FAM13C: variants seen among roughly 807,000 people sequenced by gnomAD.
FAM13C encodes the protein protein FAM13C.
Under a neutral mutation model 73.2 loss-of-function variants are expected in FAM13C, and 37 were observed. The observed-to-expected ratio is 0.51, with a 90% CI of 0.39 to 0.67. The LOEUF is 0.67. Among genes scored for constraint, FAM13C ranks in the 30% least tolerant of loss-of-function variants. The pLI is 0.00. For missense variants in FAM13C, 589 were observed against 715.6 expected, an observed-to-expected ratio of 0.82 and a Z score of 2.02; for synonymous variants, 246 against 260.9, an observed-to-expected ratio of 0.94 and a Z score of 0.55.
intron 6 of FAM13C, among the ~76,000 whole-genome samples, chr10:59,280,232 G>A (rs532779347): frequency 1.3e-5 from 2 of 152,242 alleles, no homozygotes; most frequent in African/African-American, 4.8e-5. Context: ...CTAAAAATAG[G>A]ACAATCCTGT....
At chr10:59,323,619 A>G (rs552932381) in intron 4 of FAM13C, among the ~76,000 whole-genome samples, 2 of 152,310 alleles carry the variant, frequency 1.3e-5, no homozygotes, top group East Asian at 3.9e-4. Context: ...ATCAGTTGCT[A>G]TGGTGCCTAC....
intron 3 of FAM13C, among the ~76,000 whole-genome samples, chr10:59,336,790 G>A (rs781413376): frequency 6.6e-6 from 1 of 152,212 alleles, no homozygotes; most frequent in Non-Finnish European, 1.5e-5. Flanking sequence ...CTCCTCAGCT[G>A]TTAGAACTTA....
At chr10:59,304,834 C>CGGGAGA (rs1848059034) in intron 4 of FAM13C, among the ~76,000 whole-genome samples, 1 of 33,658 alleles carries the variant, frequency 3.0e-5, no homozygotes, top group Non-Finnish European at 5.0e-5. Flanking sequence ...GGGGAGGGGG[C>CGGGAGA]GGGGGAGGGG....
chr10:59,249,028 G>T (rs993743260), intron 13 of FAM13C, among the ~76,000 whole-genome samples: 1 of 152,150 alleles, frequency 6.6e-6, no homozygotes, highest in African/African-American at 2.4e-5. Context: ...TCTAAGTAAA[G>T]AAATTGTCTA....
At chr10:59,354,380 G>A (rs1365732122) in intron 2 of FAM13C, among the ~76,000 whole-genome samples, 1 of 152,126 alleles carries the variant, frequency 6.6e-6, no homozygotes, top group South Asian at 2.1e-4. Flanking sequence ...GGTTCCTCAG[G>A]ATCTCCGAAA....
intron 1 of FAM13C, 143 bp downstream of exon 1, chr10:59,362,256 G>T (rs1426904838): frequency 7.7e-6 from 9 of 1,163,702 alleles, no homozygotes; most frequent in Non-Finnish European, 1.1e-5. Flanking sequence ...CAGTCAGCAC[G>T]TCTCACGGTC....
chr10:59,283,405 C>T lies in FAM13C; in HGVS notation c.550G>A (p.Ala184Thr). The T allele has an allele frequency of 6.2e-7, 1 of 1,614,214 alleles. No homozygotes were observed. The highest frequency in any genetic ancestry group is 1.3e-5 in the African/African-American group (1 of 75,054). Residue 184 changes from alanine to threonine, a missense_variant, in exon 6 of 14, where the codon GCA becomes ACA. Coordinates refer to ENST00000618804, the MANE Select transcript of FAM13C (RefSeq NM_198215.4). The part of the protein sequence containing the change: ...QVHGVKDPAP[A>T]STQSVLADGT... ...TCGGCAAGCACGCTCTGGGTTGATG[C>T]TGGCGCCGGGTCCTTGACTCCATGC...
intron 5 of FAM13C, among the ~76,000 whole-genome samples, chr10:59,299,718 A>T (rs1357661300): frequency 6.6e-6 from 1 of 152,132 alleles, no homozygotes; most frequent in Non-Finnish European, 1.5e-5. Flanking sequence ...AAGACCAAGG[A>T]TTAAGGTGGA....
chr10:59,259,139 A>G (rs1173768640), intron 10 of FAM13C, among the ~76,000 whole-genome samples: 5 of 152,326 alleles, frequency 3.3e-5, no homozygotes, highest in East Asian at 1.9e-4. Flanking sequence ...AGAAGTGATT[A>G]TCTCCAAAAA....
At chr10:59,285,278 T>G (rs1199046724) in intron 5 of FAM13C, among the ~76,000 whole-genome samples, 1 of 152,156 alleles carries the variant, frequency 6.6e-6, no homozygotes, top group African/African-American at 2.4e-5. Flanking sequence ...CTGGGAAGTT[T>G]TCCCAGCAGC....
Position 59,269,955 on chromosome 10 carries a change from T to C in FAM13C, c.747A>G (p.Arg249=). The C allele has an allele frequency of 6.2e-7, 1 of 1,614,004 alleles. No individual in the cohort carries two copies. Among genetic ancestry groups the C allele is most frequent in the Admixed American group, 1.7e-5 (1 of 60,008 alleles). The stretch of plus-strand genomic sequence containing the variant: ...GGGCTGACTCGGGGTCTAAGTTGAA[T>C]CTCTGGCTTTGGCTGAAGATGGAGC... ...PRCSIFSQSQ[R]FNLDPESAPS... The change falls in exon 7 of 14, where the codon AGA becomes AGG. Residue 249 remains arginine (R), a synonymous_variant. Transcript: ENST00000618804.
intron 3 of FAM13C, among the ~76,000 whole-genome samples, chr10:59,332,996 T>TTTAG (rs1852207392): frequency 7.4e-6 from 1 of 136,026 alleles, no homozygotes; most frequent in African/African-American, 2.9e-5. Context: ...TATTTATTTA[T>TTTAG]TTATTTATTT....
chr10:59,324,094 C>G lies in FAM13C; in HGVS notation c.337G>C (p.Val113Leu). The G allele has an allele frequency of 6.2e-7, 1 of 1,613,448 alleles. No individual in the cohort carries two copies. Among genetic ancestry groups the G allele is most frequent in the Non-Finnish European group, 8.5e-7 (1 of 1,179,514 alleles). Reference sequence around the variant, plus strand: ...TGACACTCTGACTGGCTGGATACCACATGCTCTGTCTCCTGCAAGAAGAAA... The same window carrying G: ...TGACACTCTGACTGGCTGGATACCAGATGCTCTGTCTCCTGCAAGAAGAAA... ...SHGESQETEH[V>L]VSSQSECQVR... is the part of the protein sequence containing the mutation. The change falls in exon 4 of 14, where the codon GTG becomes CTG. Residue 113 changes from valine (V) to leucine (L), a missense_variant. By Grantham distance (32) the Val-to-Leu change is conservative (BLOSUM62 1). Transcript: ENST00000618804.
At chr10:59,338,879 C>T (rs1218569259) in intron 3 of FAM13C, among the ~76,000 whole-genome samples, 1 of 152,174 alleles carries the variant, frequency 6.6e-6, no homozygotes, top group African/African-American at 2.4e-5. Context: ...GTATTAGTTT[C>T]CTAGGGTTAC....
intron 5 of FAM13C, among the ~76,000 whole-genome samples, chr10:59,295,201 T>C (rs1207008714): frequency 1.3e-5 from 2 of 152,226 alleles, no homozygotes; most frequent in African/African-American, 4.8e-5. Context: ...CTAATCTAGG[T>C]ACTTCTATGA....
At chr10:59,339,015 A>G (rs965636558) in intron 3 of FAM13C, among the ~76,000 whole-genome samples, 5 of 152,084 alleles carry the variant, frequency 3.3e-5, no homozygotes, top group African/African-American at 9.7e-5. Flanking sequence ...GCTCTGGGGG[A>G]AAATCCTTCC....
At chr10:59,251,453 G>A in intron 13 of FAM13C, 122 bp downstream of exon 13, 1 of 827,398 alleles carries the variant, frequency 1.2e-6, no homozygotes, top group Non-Finnish European at 2.1e-6. Context: ...CTGAGTCTAA[G>A]CCAGTGTGGA....
intron 5 of FAM13C, among the ~76,000 whole-genome samples, chr10:59,289,177 T>C (rs1845922413): frequency 6.6e-6 from 1 of 152,174 alleles, no homozygotes; most frequent in African/African-American, 2.4e-5. Context: ...CAGTTCACAA[T>C]AGGGTGCATG....
chr10:59,254,455 G>T lies in FAM13C; in HGVS notation c.1237-12C>A, dbSNP rs772448222. On this transcript the variant is annotated splice_polypyrimidine_tract_variant and intron_variant, in intron 10 of 13. Coordinates refer to ENST00000618804, the MANE Select transcript of FAM13C (RefSeq NM_198215.4). ...TCTTGCTTAGTTACCTGAAAAACAT[G>T]AAATTAATTATTATTCCTCTCTCAG... 3 of 1,424,008 alleles carry T rather than the reference G, an allele frequency of 2.1e-6. No individual in the cohort carries two copies. Among genetic ancestry groups the T allele is most frequent in the East Asian group, 5.1e-5 (2 of 38,996 alleles). 88.2% of individuals were successfully genotyped at this position (1,424,008 alleles called of 1,614,324 possible).
Sources: gnomAD v4.1 joint callset for allele counts (sites outside exome capture counted in the v4.1 genomes callset) on GRCh38, gnomAD v4.1.1 for gene constraint, MANE v1.5 for transcripts, NCBI Gene and HGNC (gene_info 2026-07-23, HGNC 2026-07-21) for gene names.